Variants in EXOC2 observed in about 807,000 individuals in gnomAD.
EXOC2 encodes exocyst complex component 2, also known as SEC5-like 1.
A neutral mutation model predicts 131.8 loss-of-function variants in EXOC2; 70 were observed. The ratio of observed to expected loss-of-function variants is 0.53; its 90% CI spans 0.44 to 0.65. The LOEUF is 0.65. Among genes scored for constraint, EXOC2 ranks in the 30% least tolerant of loss-of-function variants. The probability of loss-of-function intolerance (pLI) is 0.00; values close to 1 mark genes in which losing one functional copy is unlikely to be tolerated. For synonymous variants in EXOC2, 411 were observed against 398.4 expected, an observed-to-expected ratio of 1.03 and a Z score of -0.38; for missense variants, 923 against 1,108.6, an observed-to-expected ratio of 0.83 and a Z score of 2.38.
At chr6:615,174 T>TGG (rs1168182979) in intron 6 of EXOC2, among the ~76,000 whole-genome samples, 4 of 115,476 alleles carry the variant, frequency 3.5e-5, no homozygotes, top group African/African-American at 1.7e-4. Flanking sequence ...AAAGTATATG[T>TGG]GGGTGTGGGT....
At chr6:599,316 G>C in intron 7 of EXOC2, 91 bp from the exon 8 acceptor site, 1 of 1,171,502 alleles carries the variant, frequency 8.5e-7, no homozygotes, top group South Asian at 2.1e-5. Context: ...TGTTAATACT[G>C]CTATTGTAGT....
At position 494,941 on chromosome 6, in the gene EXOC2, C is replaced by T. The variant is rs187205044; in HGVS notation, c.2559+2426G>A. Among the ~76,000 whole-genome samples the T allele has an allele frequency of 7.5e-3, 1,135 of 152,252 alleles. 13 individuals are homozygous for T. Among genetic ancestry groups the T allele is most frequent in the African/African-American group, 0.025 (1,018 of 41,544 alleles). ...GTCGCCCAGTCTGGATGCAGTAGCA[C>T]GATCACAGTTCACTGCAGCCTTGAC... On this transcript the variant is annotated intron_variant, in intron 25 of 27. Coordinates refer to ENST00000230449, the MANE Select transcript of EXOC2 (RefSeq NM_018303.6).
chr6:555,061 A>G (rs1167327387), intron 20 of EXOC2, among the ~76,000 whole-genome samples, 166 bp downstream of exon 20: 1 of 152,204 alleles, frequency 6.6e-6, no homozygotes, highest in Non-Finnish European at 1.5e-5. Flanking sequence ...GAAAAGATAA[A>G]CTATGGAAAG....
intron 1 of EXOC2, among the ~76,000 whole-genome samples, chr6:652,314 A>T (rs913375102): frequency 3.8e-4 from 58 of 152,198 alleles, no homozygotes; most frequent in African/African-American, 1.4e-3. Flanking sequence ...TTAGTAAGCC[A>T]GAGGGTTCAA....
At chr6:585,111 A>G (rs1759131816) in intron 11 of EXOC2, among the ~76,000 whole-genome samples, 1 of 152,238 alleles carries the variant, frequency 6.6e-6, no homozygotes, top group East Asian at 1.9e-4. Context: ...TCAGAACACA[A>G]GGCTGCTTTG....
chr6:682,198 T>C, intron 1 of EXOC2, among the ~76,000 whole-genome samples: 1 of 134,630 alleles, frequency 7.4e-6, no homozygotes. Context: ...TTTCCCAGTT[T>C]CTTTTTTTTT....
chr6:610,011 C>T (rs538343142), intron 7 of EXOC2, 87 bp downstream of exon 7: 19 of 1,142,924 alleles, frequency 1.7e-5, no homozygotes, highest in Non-Finnish European at 2.3e-5. Context: ...AACTTACTGC[C>T]TTGTCCCGCG....
In EXOC2 at chr6:563,813, T is replaced by C. The variant is rs908829474; in HGVS notation, c.1789+220A>G. Among the ~76,000 whole-genome samples the C allele has an allele frequency of 3.3e-5, 5 of 152,332 alleles. No individual in the cohort carries two copies. In the East Asian group the frequency reaches 7.7e-4, roughly 23 times the overall value. On this transcript the variant is annotated intron_variant, in intron 16 of 27. Coordinates refer to ENST00000230449, the MANE Select transcript of EXOC2 (RefSeq NM_018303.6). ...CAATATTCTTATATCTTTAAACATT[T>C]TCAAGTGTATCCATCTTAGTTTCTG...
chr6:497,609 A>T, intron 24 of EXOC2, 120 bp from the exon 25 acceptor site: 2 of 1,284,084 alleles, frequency 1.6e-6, no homozygotes, highest in Non-Finnish European at 2.1e-6. Flanking sequence ...AGTCATTTTT[A>T]AAAGGCCAAA....
intron 2 of EXOC2, among the ~76,000 whole-genome samples, chr6:635,249 G>A (rs1762045938): frequency 6.6e-6 from 1 of 152,168 alleles, no homozygotes; most frequent in South Asian, 2.1e-4. Flanking sequence ...TGAGGAATAA[G>A]AGCAAATTTC....
chr6:617,184 A>T (rs1267823626), intron 6 of EXOC2, among the ~76,000 whole-genome samples: 3 of 148,842 alleles, frequency 2.0e-5, no homozygotes, highest in Non-Finnish European at 4.5e-5. Context: ...GCAGTTTTAT[A>T]AAAAAAAAAC....
At position 665,864 on chromosome 6, in the gene EXOC2, C is replaced by T. The variant is rs148206847; in HGVS notation, c.-44+27155G>A. Among the ~76,000 whole-genome samples, 27 of 152,226 alleles carry T rather than the reference C, an allele frequency of 1.8e-4. No individual in the cohort carries two copies. In the East Asian group the frequency reaches 5.2e-3, roughly 29 times the overall value. On this transcript the variant is annotated intron_variant, in intron 1 of 27. Coordinates refer to ENST00000230449, the MANE Select transcript of EXOC2 (RefSeq NM_018303.6). ...TTGGGTGATGGGTGCACCAGAATCTCACAAGTCACCACTAAGAACTTAGTC... is the reference window on the plus strand; with the variant it reads ...TTGGGTGATGGGTGCACCAGAATCTTACAAGTCACCACTAAGAACTTAGTC...
intron 22 of EXOC2, among the ~76,000 whole-genome samples, chr6:545,550 C>T (rs547722025): frequency 2.6e-4 from 40 of 152,226 alleles, no homozygotes; most frequent in African/African-American, 7.9e-4. Context: ...GAAGAAAAAG[C>T]GCTAACCTCC....
chr6:613,693 A>C (rs1581556608), intron 6 of EXOC2, among the ~76,000 whole-genome samples: 1 of 152,084 alleles, frequency 6.6e-6, no homozygotes, highest in Non-Finnish European at 1.5e-5. Flanking sequence ...ACAGAAGGAA[A>C]CCGGGAGGAG....
At chr6:641,393 C>G (rs754329457) in intron 1 of EXOC2, among the ~76,000 whole-genome samples, 1 of 152,136 alleles carries the variant, frequency 6.6e-6, no homozygotes, top group Non-Finnish European at 1.5e-5. Flanking sequence ...CCTCTCAAAC[C>G]ACGCCCTAGT....
chr6:533,103 G>C (rs755288783), intron 22 of EXOC2, among the ~76,000 whole-genome samples: 2 of 152,126 alleles, frequency 1.3e-5, no homozygotes, highest in Non-Finnish European at 2.9e-5. Flanking sequence ...GAGCATGGGG[G>C]AAACGGCCAC....
intron 11 of EXOC2, among the ~76,000 whole-genome samples, chr6:590,690 C>G (rs1398296486): frequency 6.6e-6 from 1 of 152,164 alleles, no homozygotes; most frequent in Non-Finnish European, 1.5e-5. Context: ...CTGACCACTC[C>G]CTTCTGTTTT....
chr6:523,542 G>A (rs1281219545), intron 23 of EXOC2, among the ~76,000 whole-genome samples: 3 of 152,194 alleles, frequency 2.0e-5, no homozygotes, highest in Non-Finnish European at 4.4e-5. Context: ...CAGATTAAGA[G>A]ATTAATTTCA....
At chr6:671,117 G>A (rs186539931) in intron 1 of EXOC2, among the ~76,000 whole-genome samples, 4 of 150,862 alleles carry the variant, frequency 2.7e-5, no homozygotes, top group African/African-American at 7.3e-5. Flanking sequence ...AACACTTCGC[G>A]AGGCTAAGGC....
Sources: gnomAD v4.1 joint callset for allele counts (sites outside exome capture counted in the v4.1 genomes callset) on GRCh38, gnomAD v4.1.1 for gene constraint, MANE v1.5 for transcripts, NCBI Gene and HGNC (gene_info 2026-07-23, HGNC 2026-07-21) for gene names.